Variants in CHST8 observed in about 807,000 individuals in gnomAD.
CHST8 encodes the protein carbohydrate sulfotransferase 8, also known as GALNAC-4-ST1.
A neutral mutation model predicts 15.0 loss-of-function variants in CHST8; 10 were observed. The ratio of observed to expected loss-of-function variants is 0.67; its 90% confidence interval spans 0.41 to 1.13. The LOEUF is 1.13. CHST8 is among the 50% of genes most tolerant of loss of function. CHST8 has a pLI of 0.00. For synonymous variants in CHST8, 259 were observed against 256.6 expected, an observed-to-expected ratio of 1.01 and a Z score of -0.09; for missense variants, 634 against 608.2, an observed-to-expected ratio of 1.04 and a Z score of -0.45.
At chr19:33,648,727 A>C (rs1250618265) in intron 1 of CHST8, among the ~76,000 whole-genome samples, 5 of 152,092 alleles carry the variant, frequency 3.3e-5, no homozygotes, top group Non-Finnish European at 7.4e-5. Flanking sequence ...AGAGAAATGA[A>C]AATATATGTC....
chr19:33,714,583 C>T lies in CHST8; in HGVS notation c.130+25192C>T, dbSNP rs567183560. Among the ~76,000 whole-genome samples the T allele has an allele frequency of 7.2e-5, 11 of 152,028 alleles. No individual in the cohort carries two copies. In the South Asian group the frequency reaches 2.1e-3, roughly 29 times the overall value. On this transcript the variant is annotated intron_variant, in intron 3 of 4. Transcript: ENST00000650847. Reference sequence around the variant, plus strand: ...GTGATGGGTACACTAAAAGCCTGGACTTCACCACTAATATGGTTTGGCTGT... The same window carrying T: ...GTGATGGGTACACTAAAAGCCTGGATTTCACCACTAATATGGTTTGGCTGT...
chr19:33,654,814 T>TA (rs1232293612), intron 1 of CHST8, among the ~76,000 whole-genome samples: 1 of 152,190 alleles, frequency 6.6e-6, no homozygotes, highest in African/African-American at 2.4e-5. Flanking sequence ...GGGCCCTGAC[T>TA]GAATCTCCTG....
chr19:33,772,720 T>G lies in CHST8; in HGVS notation c.932T>G (p.Phe311Cys). 6.2e-7 allele frequency: 1 copy of G among 1,613,326 alleles called. No homozygotes were observed. Among genetic ancestry groups the G allele is most frequent in the South Asian group, 1.1e-5 (1 of 91,072 alleles). Reference protein sequence around the residue: ...RTGSGVRFPEFVQYLLDVHRP... With the variant: ...RTGSGVRFPECVQYLLDVHRP... Reference sequence around the variant, plus strand: ...GGCTCTGGGGTGCGTTTTCCCGAGTTCGTCCAGTACCTGCTGGACGTGCAC... The same window carrying G: ...GGCTCTGGGGTGCGTTTTCCCGAGTGCGTCCAGTACCTGCTGGACGTGCAC... The change falls in exon 5 of 5, where the codon TTC becomes TGC. Residue 311 changes from phenylalanine (F) to cysteine (C), a missense_variant. Phe to Cys is a radical substitution (Grantham distance 205). Coordinates refer to ENST00000650847, the MANE Select transcript of CHST8 (RefSeq NM_001127895.2).
chr19:33,771,299 C>G, intron 3 of CHST8, 114 bp from the exon 4 acceptor site: 3 of 1,033,576 alleles, frequency 2.9e-6, no homozygotes, highest in Non-Finnish European at 4.6e-6. Flanking sequence ...TTCCCTAGAG[C>G]CTACCCCAAG....
chr19:33,737,305 G>T (rs781668070), intron 3 of CHST8, among the ~76,000 whole-genome samples: 18 of 152,124 alleles, frequency 1.2e-4, no homozygotes, highest in Non-Finnish European at 2.1e-4. Flanking sequence ...ATTCTTTCCT[G>T]CACAAAGCCA....
rs1972716934 is a variant in CHST8 at position 33,670,042 on chromosome 19, T to C, written c.-87+2199T>C. On this transcript the variant is annotated intron_variant, in intron 2 of 4. Transcript: ENST00000650847. ...TTGTGTGCGTTTCTGTGTGTGTGAA[T>C]ACAAGGGGAAACCTTACAGATATTT... 1.3e-5 allele frequency among the ~76,000 whole-genome samples: 2 copies of C among 152,180 alleles called. 1 individual carries two copies. The highest frequency in any genetic ancestry group is 4.1e-4 in the South Asian group (2 of 4,820).
At chr19:33,646,922 C>CTAAA (rs1972362567) in intron 1 of CHST8, among the ~76,000 whole-genome samples, 5 of 152,054 alleles carry the variant, frequency 3.3e-5, no homozygotes, top group Admixed American at 3.3e-4. Flanking sequence ...CTCAAAATAA[C>CTAAA]TAAATAAAAA....
At chr19:33,682,765 A>C (rs905965280) in intron 2 of CHST8, among the ~76,000 whole-genome samples, 2 of 152,182 alleles carry the variant, frequency 1.3e-5, no homozygotes, top group African/African-American at 4.8e-5. Flanking sequence ...GCAAGCTGTA[A>C]TTTTTTGGGG....
At chr19:33,713,581 T>C (rs1217957958) in intron 3 of CHST8, among the ~76,000 whole-genome samples, 1 of 152,090 alleles carries the variant, frequency 6.6e-6, no homozygotes, top group African/African-American at 2.4e-5. Flanking sequence ...TTTTTGTTTT[T>C]TTGAGACAGA....
intron 1 of CHST8, among the ~76,000 whole-genome samples, chr19:33,640,720 C>T (rs536379165): frequency 2.6e-5 from 4 of 152,274 alleles, no homozygotes; most frequent in African/African-American, 9.6e-5. Flanking sequence ...GAATCTTCAG[C>T]GCACTCTCCT....
In CHST8 at chr19:33,751,455, C is replaced by T. The variant is rs531130894; in HGVS notation, c.131-19958C>T. On this transcript the variant is annotated intron_variant, in intron 3 of 4. Transcript: ENST00000650847. ...CCAGTGAGCAGGCATAGGTAAGTCA[C>T]CTTCTGCCCTCAAGCAGCCCCCATC... Among the ~76,000 whole-genome samples the T allele has an allele frequency of 5.3e-5, 8 of 152,328 alleles. No homozygotes were observed. The East Asian group carries it at 1.4e-3, about 26-fold the overall frequency.
chr19:33,736,677 G>A (rs372561130), intron 3 of CHST8, among the ~76,000 whole-genome samples: 1 of 152,140 alleles, frequency 6.6e-6, no homozygotes, highest in East Asian at 1.9e-4. Context: ...CTGTTAAGAT[G>A]TCCTTTCTGT....
At chr19:33,650,513 C>CTTTTT (rs1356639318) in intron 1 of CHST8, among the ~76,000 whole-genome samples, 6 of 36,834 alleles carry the variant, frequency 1.6e-4, no homozygotes, top group South Asian at 8.3e-4. Flanking sequence ...TTTTCTTTTT[C>CTTTTT]TTTTCTTTTT....
At chr19:33,629,567 C>G (rs1188528466) in intron 1 of CHST8, among the ~76,000 whole-genome samples, 2 of 152,260 alleles carry the variant, frequency 1.3e-5, no homozygotes, top group Non-Finnish European at 2.9e-5. Flanking sequence ...CTACCAGGCT[C>G]TGTCCTCCAG....
chr19:33,711,058 A>G (rs553540479), intron 3 of CHST8, among the ~76,000 whole-genome samples: 1 of 152,060 alleles, frequency 6.6e-6, no homozygotes, highest in South Asian at 2.1e-4. Flanking sequence ...TTTTGTTGAG[A>G]GAGGCATCTC....
intron 3 of CHST8, among the ~76,000 whole-genome samples, chr19:33,723,613 G>A (rs886464330): frequency 5.3e-5 from 8 of 152,200 alleles, no homozygotes; most frequent in African/African-American, 1.9e-4. Context: ...GAAAGCAGGT[G>A]CCTGTAGAAG....
intron 3 of CHST8, among the ~76,000 whole-genome samples, chr19:33,746,446 G>T (rs886434635): frequency 4.6e-5 from 7 of 152,206 alleles, no homozygotes; most frequent in African/African-American, 9.7e-5. Flanking sequence ...ATCCTACAGT[G>T]TGTGTTCCTT....
chr19:33,739,487 C>A (rs1270568392), intron 3 of CHST8, among the ~76,000 whole-genome samples: 8 of 152,234 alleles, frequency 5.3e-5, no homozygotes, highest in Non-Finnish European at 1.2e-4. Context: ...CTAAATTACA[C>A]TGTTGTTTTA....
At chr19:33,695,405 C>T (rs1046015852) in intron 3 of CHST8, among the ~76,000 whole-genome samples, 2 of 152,170 alleles carry the variant, frequency 1.3e-5, no homozygotes, top group Non-Finnish European at 2.9e-5. Context: ...ATATTTAATA[C>T]TCATTTACTA....
Sources: gnomAD v4.1 joint callset for allele counts (sites outside exome capture counted in the v4.1 genomes callset) on GRCh38, gnomAD v4.1.1 for gene constraint, MANE v1.5 for transcripts, NCBI Gene and HGNC (gene_info 2026-07-23, HGNC 2026-07-21) for gene names.